STRN3: variants seen among roughly 807,000 people sequenced by gnomAD.
STRN3 encodes the protein striatin 3.
Under a neutral mutation model 95.6 loss-of-function variants are expected in STRN3, and 29 were observed. The ratio of observed to expected loss-of-function variants is 0.30; its 90% CI spans 0.23 to 0.41. The LOEUF is 0.41. Ranked by LOEUF, STRN3 falls within the 10% of genes least tolerant of loss-of-function variation. The pLI is 1.00. For missense variants in STRN3, 890 were observed against 972.1 expected (o/e 0.92, Z 1.12); for synonymous variants, 331 against 357.6 (o/e 0.93, Z 0.84).
intron 15 of STRN3, among the ~76,000 whole-genome samples, chr14:30,905,159 G>A (rs1896428259): frequency 6.6e-6 from 1 of 152,050 alleles, no homozygotes; most frequent in African/African-American, 2.4e-5. Flanking sequence ...AGTACATTAA[G>A]TTCATTATGT....
At chr14:30,914,952 A>T (rs992194870) in intron 9 of STRN3, among the ~76,000 whole-genome samples, 19 of 152,344 alleles carry the variant, frequency 1.2e-4, no homozygotes, top group African/African-American at 4.3e-4. Context: ...ACTATTATCT[A>T]AATATTTTGT....
chr14:31,014,203 TG>T (rs1213165999), intron 1 of STRN3, among the ~76,000 whole-genome samples: 1 of 151,850 alleles, frequency 6.6e-6, no homozygotes. Context: ...GTAAGTGTCC[TG>T]AAAGTGCAAA....
chr14:31,018,462 T>A (rs938207823), intron 1 of STRN3: 6 of 420,476 alleles, frequency 1.4e-5, no homozygotes, highest in Non-Finnish European at 2.8e-5. Context: ...CACCTCCTCC[T>A]GACTGTCACC....
intron 1 of STRN3, among the ~76,000 whole-genome samples, chr14:30,972,545 G>A (rs1008618389): frequency 2.0e-5 from 3 of 151,986 alleles, no homozygotes; most frequent in Non-Finnish European, 4.4e-5. Flanking sequence ...TTTCTTTTGC[G>A]GCACGGAAAC....
chr14:31,005,743 T>C (rs1180135281), intron 1 of STRN3, among the ~76,000 whole-genome samples: 1 of 152,180 alleles, frequency 6.6e-6, no homozygotes, highest in Admixed American at 6.6e-5. Flanking sequence ...TATTTTTACA[T>C]AGCTAAAATT....
intron 1 of STRN3, among the ~76,000 whole-genome samples, chr14:31,003,281 G>A (rs1370407806): frequency 4.1e-5 from 6 of 145,418 alleles, no homozygotes; most frequent in Admixed American, 1.4e-4. Flanking sequence ...AAAAAGAAAA[G>A]AAAAAGAAAG....
At chr14:31,018,522 C>T in intron 1 of STRN3, 1 of 426,432 alleles carries the variant, frequency 2.3e-6, no homozygotes, top group East Asian at 7.2e-5. Flanking sequence ...TGCGAAACAA[C>T]TATGGTAAAG....
chr14:30,925,275 C>A (rs1896998412), intron 8 of STRN3, among the ~76,000 whole-genome samples: 1 of 151,732 alleles, frequency 6.6e-6, no homozygotes, highest in African/African-American at 2.4e-5. Context: ...ATGGAGTGAA[C>A]GAGTTGGGAG....
chr14:30,981,611 A>G (rs896933094), intron 1 of STRN3, among the ~76,000 whole-genome samples: 4 of 92,568 alleles, frequency 4.3e-5, no homozygotes, highest in Admixed American at 3.2e-4. Flanking sequence ...CACACACCCC[A>G]TAATTCAGTG....
In STRN3 at chr14:30,894,904, T is replaced by C; in HGVS notation, c.*507A>G. ...TAAATTTTCTTTTTCTTTTTTTTTT[T>C]TTTTAAAGCAAAATAAGTTTAAAAG... is the stretch of plus-strand genomic sequence containing the variant. On this transcript the variant is annotated 3_prime_UTR_variant, in exon 18 of 18. Coordinates refer to ENST00000357479, the MANE Select transcript of STRN3 (RefSeq NM_001083893.2). 9.3e-7 allele frequency: 1 copy of C among 1,072,866 alleles called. No individual in the cohort carries two copies. Among genetic ancestry groups the C allele is most frequent in the Admixed American group, 3.4e-5 (1 of 29,194 alleles). 66.5% of individuals were successfully genotyped at this position (1,072,866 alleles called of 1,614,324 possible).
At chr14:30,947,672 T>A (rs1369176350) in intron 4 of STRN3, among the ~76,000 whole-genome samples, 1 of 152,068 alleles carries the variant, frequency 6.6e-6, no homozygotes, top group East Asian at 1.9e-4. Flanking sequence ...TGAGTAGAAC[T>A]GCATCTTAGC....
chr14:30,929,966 A>AAAAAAAAAAAAAAAAAAAAAC (rs1555317368), intron 7 of STRN3, among the ~76,000 whole-genome samples: 9 of 108,282 alleles, frequency 8.3e-5, no homozygotes, highest in Non-Finnish European at 1.6e-4. Flanking sequence ...AAAAAAAAAA[A>AAAAAAAAAAAAAAAAAAAAAC]AAAAAAAAAA....
intron 15 of STRN3, among the ~76,000 whole-genome samples, chr14:30,903,202 C>T (rs1210269412): frequency 6.6e-6 from 1 of 151,816 alleles, no homozygotes; most frequent in Non-Finnish European, 1.5e-5. Context: ...TATTAATAGA[C>T]TTTAGATCAT....
At chr14:30,972,849 G>A (rs1478773310) in intron 1 of STRN3, among the ~76,000 whole-genome samples, 1 of 152,062 alleles carries the variant, frequency 6.6e-6, no homozygotes, top group Non-Finnish European at 1.5e-5. Context: ...CTCCCACAAC[G>A]AAAAGTGTGT....
intron 5 of STRN3, among the ~76,000 whole-genome samples, chr14:30,942,685 T>C (rs1251815751): frequency 6.6e-6 from 1 of 152,182 alleles, no homozygotes; most frequent in Non-Finnish European, 1.5e-5. Flanking sequence ...AGATGCTTTG[T>C]GATATGATGC....
chr14:30,919,324 A>G (rs1896821931), intron 8 of STRN3, among the ~76,000 whole-genome samples: 1 of 151,254 alleles, frequency 6.6e-6, no homozygotes, highest in Admixed American at 6.6e-5. Flanking sequence ...ATATATAAAG[A>G]TACATATCTA....
intron 1 of STRN3, among the ~76,000 whole-genome samples, chr14:31,012,433 G>T (rs988479859): frequency 1.3e-5 from 2 of 152,160 alleles, no homozygotes; most frequent in African/African-American, 4.8e-5. Flanking sequence ...GCAACAAAAA[G>T]GAAACACAAC....
chr14:31,022,607 T>C (rs1467341782), intron 1 of STRN3, among the ~76,000 whole-genome samples: 2 of 151,172 alleles, frequency 1.3e-5, no homozygotes, highest in Admixed American at 6.7e-5. Context: ...ACTCAAGTGG[T>C]GTGGGCCACG....
intron 15 of STRN3, among the ~76,000 whole-genome samples, chr14:30,903,780 G>A (rs373832928): frequency 2.6e-5 from 4 of 152,178 alleles, no homozygotes; most frequent in East Asian, 3.8e-4. Context: ...AACTGGTGGT[G>A]TAACTACAAA....
Sources: allele counts gnomAD v4.1 joint callset (sites outside exome capture counted in the v4.1 genomes callset), GRCh38; gene constraint gnomAD v4.1.1; transcripts MANE v1.5; gene names NCBI Gene and HGNC (gene_info 2026-07-23, HGNC 2026-07-21).